The following GPR158 variants were observed in gnomAD, a reference collection of about 807,000 sequenced individuals.
GPR158 encodes the protein G protein-coupled receptor 158.
GPR158 carries 30 observed loss-of-function variants against 78.2 expected under a neutral mutation model. The observed-to-expected ratio is 0.38, with a 90% CI of 0.29 to 0.52. GPR158 has a LOEUF of 0.52. Among genes scored for constraint, GPR158 ranks in the 20% least tolerant of loss-of-function variants. GPR158 has a pLI of 0.83. For missense variants in GPR158, 1,463 were observed against 1,523.5 expected, an observed-to-expected ratio of 0.96 and a Z score of 0.66; for synonymous variants, 581 against 591.1, an observed-to-expected ratio of 0.98 and a Z score of 0.25.
intron 1 of GPR158, among the ~76,000 whole-genome samples, chr10:25,203,221 G>A (rs1178944627): frequency 6.6e-6 from 1 of 152,104 alleles, no homozygotes; most frequent in East Asian, 1.9e-4. Flanking sequence ...CACTCTGATG[G>A]TAGTTTCTTT....
At chr10:25,351,787 G>A (rs1384017942) in intron 2 of GPR158, among the ~76,000 whole-genome samples, 1 of 150,368 alleles carries the variant, frequency 6.7e-6, no homozygotes, top group East Asian at 2.0e-4. Flanking sequence ...ACGATGTGCA[G>A]GTTTGTTTCA....
chr10:25,329,949 A>G (rs1420997597), intron 2 of GPR158, among the ~76,000 whole-genome samples: 2 of 152,144 alleles, frequency 1.3e-5, no homozygotes, highest in Non-Finnish European at 2.9e-5. Flanking sequence ...TAAAAACACT[A>G]GAAGTTGTTA....
Position 25,322,932 on chromosome 10 carries a change from C to T in GPR158, c.1009-72979C>T, listed in dbSNP as rs950875996. Among the ~76,000 whole-genome samples, 36 of 152,172 alleles carry T rather than the reference C, an allele frequency of 2.4e-4. No homozygotes were observed. In the East Asian group the frequency reaches 3.5e-3, roughly 15 times the overall value. Reference sequence around the variant, plus strand: ...TGCTATCTTGGCTCACTGCAAGCTCCGCCTCCCAGGTTCACGCCATTCTCC... The same window carrying T: ...TGCTATCTTGGCTCACTGCAAGCTCTGCCTCCCAGGTTCACGCCATTCTCC... On this transcript the variant is annotated intron_variant, in intron 2 of 10. Coordinates refer to ENST00000376351, the MANE Select transcript of GPR158 (RefSeq NM_020752.3).
chr10:25,523,601 T>C (rs991229626), intron 5 of GPR158, among the ~76,000 whole-genome samples: 1 of 152,210 alleles, frequency 6.6e-6, no homozygotes, highest in African/African-American at 2.4e-5. Context: ...TACAGAAAGC[T>C]GTGTAGCTGA....
chr10:25,262,535 A>AT (rs932751552), intron 2 of GPR158, among the ~76,000 whole-genome samples: 2 of 152,092 alleles, frequency 1.3e-5, no homozygotes, highest in African/African-American at 4.8e-5. Context: ...ATTTCTAGGC[A>AT]TTTTTTGTTT....
chr10:25,451,127 T>C (rs1190786231), intron 4 of GPR158, among the ~76,000 whole-genome samples: 1 of 152,234 alleles, frequency 6.6e-6, no homozygotes, highest in East Asian at 1.9e-4. Flanking sequence ...CTTGTGCATA[T>C]ATTTTTGTGC....
chr10:25,188,046 G>T (rs1041132579), intron 1 of GPR158, among the ~76,000 whole-genome samples: 1 of 152,118 alleles, frequency 6.6e-6, no homozygotes, highest in Non-Finnish European at 1.5e-5. Context: ...GCTTCAAAGA[G>T]AATAAAATAC....
intron 5 of GPR158, among the ~76,000 whole-genome samples, chr10:25,519,481 C>T (rs1161713174): frequency 7.8e-6 from 1 of 128,456 alleles, no homozygotes; most frequent in Non-Finnish European, 1.6e-5. Flanking sequence ...ATGGTCTTTA[C>T]ATTTTGGCAT....
At position 25,572,748 on chromosome 10, in the gene GPR158, T is replaced by G; in HGVS notation, c.1614T>G (p.Phe538Leu). ...RMLAVILLVV[F>L]WFLIGWTSSV... ...TGGCAGTAATACTCTTGGTAGTGTT[T>G]TGGTTTCTCATTGGCTGGACTTCAT... is the stretch of plus-strand genomic sequence containing the variant. The change falls in exon 7 of 11, where the codon TTT becomes TTG. Residue 538 changes from phenylalanine (F) to leucine (L), a missense_variant. Physicochemically the swap from Phe to Leu is conservative, Grantham distance 22 (BLOSUM62 0). Coordinates refer to ENST00000376351, the MANE Select transcript of GPR158 (RefSeq NM_020752.3). 6.2e-7 allele frequency: 1 copy of G among 1,613,810 alleles called. No homozygotes were observed. The highest frequency in any genetic ancestry group is 1.1e-5 in the South Asian group (1 of 91,078).
At chr10:25,488,952 A>G (rs1037256773) in intron 5 of GPR158, among the ~76,000 whole-genome samples, 1 of 152,220 alleles carries the variant, frequency 6.6e-6, no homozygotes, top group Middle Eastern at 3.4e-3. Context: ...GAAAAAAACT[A>G]TGATTTTACT....
chr10:25,392,451 C>T (rs140948922), intron 2 of GPR158, among the ~76,000 whole-genome samples: 2,316 of 152,296 alleles, frequency 0.015, 18 homozygotes, highest in Non-Finnish European at 0.017. Context: ...AAAGTCAGGC[C>T]GAGGAGCCAC....
At chr10:25,259,600 A>G (rs187207404) in intron 2 of GPR158, among the ~76,000 whole-genome samples, 16 of 152,200 alleles carry the variant, frequency 1.1e-4, no homozygotes, top group African/African-American at 3.1e-4. Context: ...CCCTCTTTTA[A>G]ATAAATCTTA....
intron 5 of GPR158, among the ~76,000 whole-genome samples, chr10:25,471,036 G>A (rs1342400256): frequency 1.3e-5 from 2 of 151,870 alleles, no homozygotes; most frequent in Non-Finnish European, 2.9e-5. Flanking sequence ...GTATACATGT[G>A]CCATGTTGGT....
At chr10:25,256,937 T>C (rs1564404023) in intron 2 of GPR158, among the ~76,000 whole-genome samples, 1 of 152,182 alleles carries the variant, frequency 6.6e-6, no homozygotes, top group South Asian at 2.1e-4. Flanking sequence ...AAGCCCTGTA[T>C]TGATGTTTTC....
At chr10:25,516,168 C>T (rs1333412021) in intron 5 of GPR158, among the ~76,000 whole-genome samples, 1 of 151,866 alleles carries the variant, frequency 6.6e-6, no homozygotes, top group Non-Finnish European at 1.5e-5. Flanking sequence ...TAAATGTCTT[C>T]TTTTGAGAAG....
At chr10:25,232,719 C>T (rs1030556282) in intron 2 of GPR158, among the ~76,000 whole-genome samples, 1 of 152,098 alleles carries the variant, frequency 6.6e-6, no homozygotes, top group East Asian at 1.9e-4. Flanking sequence ...GTATTGAGAT[C>T]ACTTGAAAAC....
At chr10:25,524,288 C>T (rs1042432763) in intron 5 of GPR158, among the ~76,000 whole-genome samples, 7 of 152,106 alleles carry the variant, frequency 4.6e-5, no homozygotes, top group African/African-American at 1.7e-4. Context: ...TTTCCAAGCT[C>T]GTTCTAAAAT....
At chr10:25,261,496 T>A (rs528733910) in intron 2 of GPR158, among the ~76,000 whole-genome samples, 30 of 152,270 alleles carry the variant, frequency 2.0e-4, no homozygotes, top group Middle Eastern at 3.4e-3. Context: ...CTGATACAAT[T>A]TTGTTTTCCT....
chr10:25,550,750 C>T (rs527807205), intron 5 of GPR158, among the ~76,000 whole-genome samples: 5 of 151,962 alleles, frequency 3.3e-5, no homozygotes, highest in East Asian at 1.9e-4. Context: ...ATCCCTCCCC[C>T]CAAAGTTAGA....
Sources: gnomAD v4.1 joint callset for allele counts (sites outside exome capture counted in the v4.1 genomes callset) on GRCh38, gnomAD v4.1.1 for gene constraint, MANE v1.5 for transcripts, NCBI Gene and HGNC (gene_info 2026-07-23, HGNC 2026-07-21) for gene names.